Variants in PLAGL1 observed in about 807,000 individuals in gnomAD.
PLAGL1 encodes the protein PLAG1 like zinc finger 1.
Under a neutral mutation model 4.6 loss-of-function variants are expected in PLAGL1, and 1 was observed. That is an observed-to-expected ratio of 0.22 (90% CI 0.08 to 1.03). The LOEUF (loss-of-function observed/expected upper bound fraction) is 1.03. Among genes scored for constraint, PLAGL1 ranks in the 50% least tolerant of loss-of-function variants. The probability of loss-of-function intolerance (pLI) is 0.58; values close to 1 mark genes in which losing one functional copy is unlikely to be tolerated. For missense variants in PLAGL1, 464 were observed against 570.4 expected, an observed-to-expected ratio of 0.81 and a Z score of 1.90; for synonymous variants, 240 against 237.8, an observed-to-expected ratio of 1.01 and a Z score of -0.08.
intron 1 of PLAGL1, among the ~76,000 whole-genome samples, chr6:144,014,072 AAAAC>A (rs1444123073): frequency 6.6e-6 from 1 of 152,212 alleles, no homozygotes; most frequent in Non-Finnish European, 1.5e-5. Context: ...CTTAAAAAGA[AAAAC>A]AAAGTTGGAA....
At chr6:144,043,910 G>T (rs1295886876) in intron 1 of PLAGL1, among the ~76,000 whole-genome samples, 2 of 152,182 alleles carry the variant, frequency 1.3e-5, no homozygotes, top group East Asian at 3.8e-4. Context: ...CCTTGGCAGG[G>T]TGTATGTGTC....
rs1195388373 is a variant in PLAGL1, at chr6:144,056,924, G to T, written c.-151+7544C>A. On this transcript the variant is annotated intron_variant, in intron 1 of 3. Transcript: ENST00000437412. The surrounding 1 kb of genome is among the most constrained non-coding windows in gnomAD (Gnocchi z 4.7). Reference sequence around the variant, plus strand: ...AATCCTCCTGCCTCAGCCTCCCAAAGTGCTGAGCCACTATGCCTGACTCTC... The same window carrying T: ...AATCCTCCTGCCTCAGCCTCCCAAATTGCTGAGCCACTATGCCTGACTCTC... Among the ~76,000 whole-genome samples the T allele has an allele frequency of 6.6e-6, 1 of 152,138 alleles. No individual in the cohort carries two copies. The highest frequency in any genetic ancestry group is 1.5e-5 in the Non-Finnish European group (1 of 68,024).
Position 143,959,036 on chromosome 6 carries a change from T to G in PLAGL1, c.-325+1433A>C, listed in dbSNP as rs1782780476. On this transcript the variant is annotated intron_variant, in intron 6 of 7. Coordinates refer to ENST00000674357, the MANE Select transcript of PLAGL1 (RefSeq NM_001317162.2). The surrounding 1 kb of genome is among the most constrained non-coding windows in gnomAD (Gnocchi z 5.3). ...AGTAGCTGTCCTTGCAATCCACATG[T>G]GTGGTCCATCCCCCAGCTCATCCGC... Among the ~76,000 whole-genome samples the G allele has an allele frequency of 1.3e-5, 2 of 152,246 alleles. No homozygotes were observed. Among genetic ancestry groups the G allele is most frequent in the African/African-American group, 4.8e-5 (2 of 41,472 alleles).
intron 7 of PLAGL1, among the ~76,000 whole-genome samples, chr6:143,946,405 C>T (rs1314405967): frequency 6.6e-6 from 1 of 152,190 alleles, no homozygotes; most frequent in African/African-American, 2.4e-5. Context: ...AGGACGCTTA[C>T]CCTCCGCACA....
In PLAGL1 at chr6:144,006,031, T is replaced by G. The variant is rs1794097766; in HGVS notation, c.-584+2059A>C. The G allele has an allele frequency of 6.6e-6, 1 of 152,206 alleles. No homozygotes were observed. Among genetic ancestry groups the G allele is most frequent in the Non-Finnish European group, 1.5e-5 (1 of 68,036 alleles). 9.4% of individuals were successfully genotyped at this position (152,206 alleles called of 1,614,324 possible). ...TGTGTACAAAACATGTAAATGTGACTTTTGGGAAAGCAAACACACCAAATG... is the reference window on the plus strand; with the variant it reads ...TGTGTACAAAACATGTAAATGTGACGTTTGGGAAAGCAAACACACCAAATG... On this transcript the variant is annotated intron_variant, in intron 1 of 7. Transcript: ENST00000674357. This position sits in a 1 kb window ranked among gnomAD's most constrained non-coding sequence, Gnocchi z 4.3.
chr6:143,987,577 C>G (rs1477615714), intron 1 of PLAGL1, among the ~76,000 whole-genome samples: 1 of 150,338 alleles, frequency 6.7e-6, no homozygotes, highest in Non-Finnish European at 1.5e-5. Flanking sequence ...GGTGGGTAAG[C>G]AAAAGATCAG....
In PLAGL1 at chr6:143,978,254, A is replaced by G. The variant is rs1010996693; in HGVS notation, c.-544+6881T>C. Among the ~76,000 whole-genome samples the G allele has an allele frequency of 1.3e-5, 2 of 152,190 alleles. No homozygotes were observed. Among genetic ancestry groups the G allele is most frequent in the African/African-American group, 4.8e-5 (2 of 41,532 alleles). On this transcript the variant is annotated intron_variant, in intron 2 of 7. Transcript: ENST00000674357. This position sits in a 1 kb window ranked among gnomAD's most constrained non-coding sequence, Gnocchi z 4.6. The stretch of plus-strand genomic sequence containing the variant: ...TTTGTTTCTCTTTTTCTAGTTTCCA[A>G]AGGTGGAAACTGAGGTTATTGATTT...
intron 1 of PLAGL1, among the ~76,000 whole-genome samples, chr6:144,020,782 T>C (rs1345441219): frequency 6.8e-6 from 1 of 146,814 alleles, no homozygotes; most frequent in African/African-American, 2.5e-5. Flanking sequence ...TATATCTATA[T>C]ATATAAAACA....
rs1794080454 is a variant in PLAGL1 at position 144,005,940 on chromosome 6, T to G, written c.-584+2150A>C. On this transcript the variant is annotated intron_variant, in intron 1 of 7. Transcript: ENST00000674357. The surrounding 1 kb of genome is among the most constrained non-coding windows in gnomAD (Gnocchi z 4.6). Reference sequence around the variant, plus strand: ...AAAGTTCTGTGATTTTTATATACTTTTTAGTATTTCGTTTTTCATAACAAA... The same window carrying G: ...AAAGTTCTGTGATTTTTATATACTTGTTAGTATTTCGTTTTTCATAACAAA... 6 of 152,136 alleles carry G rather than the reference T, an allele frequency of 3.9e-5. No homozygotes were observed. 9.4% of individuals were successfully genotyped at this position (152,136 alleles called of 1,614,324 possible).
At chr6:144,023,157 C>T (rs1305919381) in intron 1 of PLAGL1, among the ~76,000 whole-genome samples, 1 of 152,170 alleles carries the variant, frequency 6.6e-6, no homozygotes, top group Non-Finnish European at 1.5e-5. Context: ...TGTATGATTC[C>T]ATTCACATAA....
intron 1 of PLAGL1, among the ~76,000 whole-genome samples, chr6:144,026,172 C>T (rs1322546307): frequency 1.3e-5 from 2 of 152,024 alleles, no homozygotes; most frequent in African/African-American, 2.4e-5. Flanking sequence ...TAGGTTGTTT[C>T]GTGTATGTGT....
intron 1 of PLAGL1, among the ~76,000 whole-genome samples, chr6:144,042,554 C>G (rs1797823458): frequency 6.6e-6 from 1 of 152,164 alleles, no homozygotes; most frequent in Non-Finnish European, 1.5e-5. Context: ...GGTACCAGTA[C>G]CATGCTGTTT....
At chr6:143,951,052 CA>C (rs1780966189) in intron 6 of PLAGL1, among the ~76,000 whole-genome samples, 1 of 152,132 alleles carries the variant, frequency 6.6e-6, no homozygotes, top group Non-Finnish European at 1.5e-5. Flanking sequence ...GCTATAAATC[CA>C]GGCACTTGTT....
intron 2 of PLAGL1, among the ~76,000 whole-genome samples, chr6:143,976,762 C>T (rs1786642359): frequency 6.6e-6 from 1 of 152,150 alleles, no homozygotes; most frequent in African/African-American, 2.4e-5. Flanking sequence ...ACCCCTAATT[C>T]TATCTTCTCT....
intron 1 of PLAGL1, among the ~76,000 whole-genome samples, chr6:144,038,907 T>C (rs759976455): frequency 7.2e-5 from 11 of 152,166 alleles, no homozygotes; most frequent in African/African-American, 1.4e-4. Flanking sequence ...TCTATGAATA[T>C]ACTAAAAGCC....
rs944244741 is a variant in PLAGL1, at chr6:143,960,661, A to C, written c.-398-119T>G. 1.2e-4 allele frequency: 18 copies of C among 152,206 alleles called. No individual in the cohort carries two copies. Among genetic ancestry groups the C allele is most frequent in the African/African-American group, 4.1e-4 (17 of 41,532 alleles). 9.4% of individuals were successfully genotyped at this position (152,206 alleles called of 1,614,324 possible). On this transcript the variant is annotated intron_variant, in intron 5 of 7. Coordinates refer to ENST00000674357, the MANE Select transcript of PLAGL1 (RefSeq NM_001317162.2). The surrounding 1 kb of genome is among the most constrained non-coding windows in gnomAD (Gnocchi z 5.7). ...ACACGACTGGCGATGTGCACAGGAG[A>C]TTTTCTAGTGTTTTTTCATGCATTT...
Position 143,995,861 on chromosome 6 carries a change from C to T in PLAGL1, c.-583-10687G>A, listed in dbSNP as rs1791495339. Among the ~76,000 whole-genome samples, 1 of 151,982 alleles carries T rather than the reference C, an allele frequency of 6.6e-6. No individual in the cohort carries two copies. Among genetic ancestry groups the T allele is most frequent in the Non-Finnish European group, 1.5e-5 (1 of 68,008 alleles). On this transcript the variant is annotated intron_variant, in intron 1 of 7. Coordinates refer to ENST00000674357, the MANE Select transcript of PLAGL1 (RefSeq NM_001317162.2). The surrounding 1 kb of genome is among the most constrained non-coding windows in gnomAD (Gnocchi z 4.4). ...AAAGCCCAGTAATAATAAGTATTTC[C>T]ATAAAATACCTACATTACTGGCTAT...
chr6:144,010,519 G>T (rs1173902152), upstream of PLAGL1, among the ~76,000 whole-genome samples: 1 of 152,146 alleles, frequency 6.6e-6, no homozygotes, highest in Non-Finnish European at 1.5e-5. This position sits in a 1 kb window ranked among gnomAD's most constrained non-coding sequence, Gnocchi z 4.1. Flanking sequence ...CATGAAAATT[G>T]CCATACTGCC....
upstream of PLAGL1, chr6:144,008,339 G>C (rs890896082): frequency 3.3e-5 from 5 of 151,858 alleles, no homozygotes; most frequent in African/African-American, 1.2e-4. This position sits in a 1 kb window ranked among gnomAD's most constrained non-coding sequence, Gnocchi z 6.9. Context: ...CAGATGCCGT[G>C]GGCTTTGCCG....
Sources: gnomAD v4.1 joint callset for allele counts (sites outside exome capture counted in the v4.1 genomes callset) on GRCh38, gnomAD v4.1.1 for gene constraint, Gnocchi (gnomAD v3.1) non-coding constraint, MANE v1.5 for transcripts, NCBI Gene and HGNC (gene_info 2026-07-23, HGNC 2026-07-21) for gene names.